The following AXDND1 variants were observed in gnomAD, a reference collection of about 807,000 sequenced individuals.
AXDND1 encodes axonemal dynein light chain domain containing 1.
In AXDND1, 110 loss-of-function variants were observed where a neutral mutation model predicts 137.5. The observed-to-expected ratio is 0.80, with a 90% CI of 0.69 to 0.94. AXDND1 has a LOEUF of 0.94. AXDND1 is among the 40% of genes least tolerant of loss of function. AXDND1 has a pLI of 0.00. For missense variants in AXDND1, 1,191 were observed against 1,169.8 expected (o/e 1.02, Z -0.26); for synonymous variants, 414 against 399.7 (o/e 1.04, Z -0.43).
At chr1:179,524,220 C>G (rs929310004) in intron 21 of AXDND1, among the ~76,000 whole-genome samples, 1 of 152,122 alleles carries the variant, frequency 6.6e-6, no homozygotes, top group Non-Finnish European at 1.5e-5. Context: ...AGTGGGATTG[C>G]TGGATCAAAT....
intron 4 of AXDND1, among the ~76,000 whole-genome samples, chr1:179,374,656 T>A (rs969035315): frequency 2.0e-5 from 3 of 152,034 alleles, no homozygotes; most frequent in African/African-American, 7.2e-5. Flanking sequence ...TAAAAAAGGA[T>A]GAGTTCATGT....
intron 6 of AXDND1, among the ~76,000 whole-genome samples, chr1:179,380,697 A>C (rs952418923): frequency 1.3e-5 from 2 of 152,202 alleles, no homozygotes; most frequent in Non-Finnish European, 2.9e-5. Flanking sequence ...TCCAATATGT[A>C]TGTTATAATA....
chr1:179,427,181 A>G (rs1393181781), intron 12 of AXDND1, among the ~76,000 whole-genome samples: 1 of 152,028 alleles, frequency 6.6e-6, no homozygotes, highest in African/African-American at 2.4e-5. Context: ...AAACAAGAAC[A>G]AAAACAAACA....
At chr1:179,438,435 C>T (rs954017516) in intron 15 of AXDND1, among the ~76,000 whole-genome samples, 10 of 152,170 alleles carry the variant, frequency 6.6e-5, no homozygotes, top group East Asian at 1.9e-4. Context: ...CACGCTTGGT[C>T]GGCTGTGTGC....
chr1:179,387,684 G>C (rs1460880569), intron 9 of AXDND1, among the ~76,000 whole-genome samples: 1 of 152,170 alleles, frequency 6.6e-6, no homozygotes, highest in Non-Finnish European at 1.5e-5. Flanking sequence ...AGGTCTTTAG[G>C]TGGGACAAGA....
At chr1:179,367,136 C>G (rs1223715125) in intron 2 of AXDND1, among the ~76,000 whole-genome samples, 3 of 151,744 alleles carry the variant, frequency 2.0e-5, no homozygotes, top group Middle Eastern at 3.4e-3. Context: ...GCAAGAGAAT[C>G]GCTTGAACCC....
At chr1:179,472,019 C>T (rs1408696174) in intron 17 of AXDND1, among the ~76,000 whole-genome samples, 1 of 152,036 alleles carries the variant, frequency 6.6e-6, no homozygotes, top group Non-Finnish European at 1.5e-5. Context: ...CTCAGCCTCC[C>T]GAGTAGCTGG....
Position 179,393,900 on chromosome 1 carries a change from CAG to C in AXDND1, c.868_869del, listed in dbSNP as rs1650597236. Reference sequence around the variant, plus strand: ...AGGAGCTTTTTGGTTGTTTGTCATGCAGAGAGAGGTATGTGCAAATGCTTGAC... The same window carrying C: ...AGGAGCTTTTTGGTTGTTTGTCATGCAGAGAGGTATGTGCAAATGCTTGAC... On this transcript the variant is annotated splice_acceptor_variant, in intron 9 of 25. Coordinates refer to ENST00000367618, the MANE Select transcript of AXDND1 (RefSeq NM_144696.6). LOFTEE classifies it high-confidence loss of function. The C allele has an allele frequency of 1.9e-6, 3 of 1,582,914 alleles. No individual in the cohort carries two copies. Among genetic ancestry groups the C allele is most frequent in the Admixed American group, 1.9e-5 (1 of 51,518 alleles).
At chr1:179,445,592 T>C (rs1330914788) in intron 16 of AXDND1, among the ~76,000 whole-genome samples, 2 of 152,172 alleles carry the variant, frequency 1.3e-5, no homozygotes, top group East Asian at 3.8e-4. Context: ...GACTTTCATG[T>C]GAATGAATTC....
In AXDND1 at chr1:179,554,667, C is replaced by A; in HGVS notation, c.*148C>A. The A allele has an allele frequency of 8.4e-7, 1 of 1,187,890 alleles. No individual in the cohort carries two copies. The highest frequency in any genetic ancestry group is 1.2e-6 in the Non-Finnish European group (1 of 806,432). The allele number at this position is 1,187,890 out of a possible 1,614,324, so 73.6% of individuals were successfully genotyped here. A position where few individuals can be genotyped will look rare whatever the true frequency, so the allele number is the denominator to read the frequency against. ...GACATTATTTGCCTGTTGTATTTAA[C>A]TTCACAGTGCCTTGCAAAGAGTTGT... On this transcript the variant is annotated 3_prime_UTR_variant, in exon 26 of 26. Coordinates refer to ENST00000367618, the MANE Select transcript of AXDND1 (RefSeq NM_144696.6).
In AXDND1 at chr1:179,423,911, T is replaced by C. The variant is rs1442434233; in HGVS notation, c.1231-5607T>C. Among the ~76,000 whole-genome samples the C allele has an allele frequency of 2.0e-5, 3 of 152,178 alleles. No individual in the cohort carries two copies. The East Asian group carries it at 5.8e-4, about 29-fold the overall frequency. On this transcript the variant is annotated intron_variant, in intron 12 of 25. Transcript: ENST00000367618. ...ACAGTTACAGTATTAGCATATTCTA[T>C]ATTTGTCTGTGTAGATCATTTTACC...
At position 179,500,118 on chromosome 1, in the gene AXDND1, G is replaced by A. The variant is rs147606231; in HGVS notation, c.2388+7167G>A. Among the ~76,000 whole-genome samples the A allele has an allele frequency of 3.9e-4, 60 of 152,088 alleles. No homozygotes were observed. The East Asian group carries it at 8.9e-3, about 22-fold the overall frequency. On this transcript the variant is annotated intron_variant, in intron 20 of 25. Coordinates refer to ENST00000367618, the MANE Select transcript of AXDND1 (RefSeq NM_144696.6). Reference sequence around the variant, plus strand: ...GGGAAATTATAGACCAGTCTCACATGGAATACAAAAGTCCTGAACAAAATA... The same window carrying A: ...GGGAAATTATAGACCAGTCTCACATAGAATACAAAAGTCCTGAACAAAATA...
intron 16 of AXDND1, chr1:179,447,573 A>C: frequency 1.8e-5 from 17 of 954,532 alleles, no homozygotes; most frequent in Non-Finnish European, 2.6e-5. Flanking sequence ...TTAAAGAATG[A>C]AGTTGAAGAA....
intron 24 of AXDND1, chr1:179,534,500 G>C: frequency 2.5e-6 from 1 of 397,832 alleles, no homozygotes; most frequent in African/African-American, 2.1e-5. Flanking sequence ...ATTTTACTAA[G>C]AAGTGATAAA....
chr1:179,505,916 G>A (rs546063223), intron 20 of AXDND1, among the ~76,000 whole-genome samples: 1 of 152,218 alleles, frequency 6.6e-6, no homozygotes, highest in Non-Finnish European at 1.5e-5. Context: ...TTTTTTAGGA[G>A]GACTCAGTTC....
intron 4 of AXDND1, among the ~76,000 whole-genome samples, chr1:179,371,179 G>C (rs1285209006): frequency 6.6e-6 from 1 of 152,126 alleles, no homozygotes; most frequent in Non-Finnish European, 1.5e-5. Context: ...TGTAATCCCA[G>C]CACTTTGGGA....
chr1:179,528,531 G>T, intron 23 of AXDND1, 100 bp downstream of exon 23: 1 of 632,662 alleles, frequency 1.6e-6, no homozygotes. Flanking sequence ...AGGGGACCAG[G>T]GATTCCTAAG....
intron 4 of AXDND1, among the ~76,000 whole-genome samples, chr1:179,372,551 T>C (rs1668139638): frequency 1.3e-5 from 2 of 152,164 alleles, no homozygotes; most frequent in East Asian, 1.9e-4. Flanking sequence ...CCAGTTATTA[T>C]GTTATGATTA....
intron 23 of AXDND1, among the ~76,000 whole-genome samples, chr1:179,528,874 G>T (rs572700069): frequency 6.6e-6 from 1 of 152,124 alleles, no homozygotes; most frequent in East Asian, 1.9e-4. Context: ...CTGCAGACGC[G>T]AGCTATTGCG....
Sources: allele counts gnomAD v4.1 joint callset (sites outside exome capture counted in the v4.1 genomes callset), GRCh38; gene constraint gnomAD v4.1.1; transcripts MANE v1.5; gene names NCBI Gene and HGNC (gene_info 2026-07-23, HGNC 2026-07-21).